MSI2: variants seen among roughly 807,000 people sequenced by gnomAD.
MSI2 encodes RNA-binding protein Musashi homolog 2.
MSI2 carries 17 observed loss-of-function variants against 45.6 expected under a neutral mutation model. That is an observed-to-expected ratio of 0.37 (90% CI 0.26 to 0.56). The LOEUF (loss-of-function observed/expected upper bound fraction) is 0.56, where lower values mean the gene tolerates loss of function less well. Ranked by LOEUF, MSI2 falls within the 20% of genes least tolerant of loss-of-function variation. MSI2 has a pLI of 0.77. For missense variants in MSI2, 293 were observed against 444.2 expected, an observed-to-expected ratio of 0.66 and a Z score of 3.06; for synonymous variants, 156 against 158.2, an observed-to-expected ratio of 0.99 and a Z score of 0.11.
Position 57,407,917 on chromosome 17 carries a change from G to C in MSI2, c.405+6446G>C, listed in dbSNP as rs1470724275. Among the ~76,000 whole-genome samples the C allele has an allele frequency of 6.6e-6, 1 of 152,204 alleles. No homozygotes were observed. Among genetic ancestry groups the C allele is most frequent in the Non-Finnish European group, 1.5e-5 (1 of 68,030 alleles). ...GGACTTTATTTGCCCCCTGACCCCT[G>C]GCCAAGCTGCTCAGTGGGAAACAGC... On this transcript the variant is annotated intron_variant, in intron 6 of 13. Transcript: ENST00000284073. The surrounding 1 kb of genome is among the most constrained non-coding windows in gnomAD (Gnocchi z 4.1).
At chr17:57,499,942 CTT>C (rs879874075) in intron 6 of MSI2, among the ~76,000 whole-genome samples, 2 of 146,720 alleles carry the variant, frequency 1.4e-5, no homozygotes, top group Non-Finnish European at 3.0e-5. Context: ...AGCGTGTTCA[CTT>C]TTTTTTTTTT....
At chr17:57,456,995 A>G (rs1448656476) in intron 6 of MSI2, among the ~76,000 whole-genome samples, 1 of 152,164 alleles carries the variant, frequency 6.6e-6, no homozygotes, top group Non-Finnish European at 1.5e-5. Context: ...GGAGAAAGGA[A>G]GGAGAAGTTT....
At chr17:57,411,207 G>A (rs930311742) in intron 6 of MSI2, among the ~76,000 whole-genome samples, 3 of 152,028 alleles carry the variant, frequency 2.0e-5, no homozygotes, top group Admixed American at 6.6e-5. Context: ...GGGTTTCACC[G>A]TGTTGCCGAG....
intron 7 of MSI2, among the ~76,000 whole-genome samples, chr17:57,571,310 G>A (rs1441542427): frequency 6.6e-6 from 1 of 152,196 alleles, no homozygotes; most frequent in Non-Finnish European, 1.5e-5. Flanking sequence ...ACTTGCTTTT[G>A]TCGTTTGTTA....
At chr17:57,631,619 C>T (rs1481763399) in intron 10 of MSI2, 3 of 619,826 alleles carry the variant, frequency 4.8e-6, no homozygotes, top group East Asian at 5.7e-5. Context: ...CTGGGAACAG[C>T]TCCTTCTTCC....
rs551244981 is a variant in MSI2 at position 57,529,189 on chromosome 17, G to A, written c.406-487G>A. ...AGTGGCTCACACCTATAATCTCAGC[G>A]CTTTGAAAGGCTGCTGCAGGAGGAT... On this transcript the variant is annotated intron_variant, in intron 6 of 13. Coordinates refer to ENST00000284073, the MANE Select transcript of MSI2 (RefSeq NM_138962.4). This position sits in a 1 kb window ranked among gnomAD's most constrained non-coding sequence, Gnocchi z 5.3. Among the ~76,000 whole-genome samples the A allele has an allele frequency of 4.6e-5, 7 of 152,130 alleles. No individual in the cohort carries two copies. The highest frequency in any genetic ancestry group is 1.2e-4 in the African/African-American group (5 of 41,498).
At chr17:57,514,452 C>G (rs1023167808) in intron 6 of MSI2, among the ~76,000 whole-genome samples, 1 of 152,116 alleles carries the variant, frequency 6.6e-6, no homozygotes, top group Non-Finnish European at 1.5e-5. Flanking sequence ...TTTGAATTGC[C>G]AAAATATGTT....
chr17:57,483,448 G>GC (rs2085688927), intron 6 of MSI2, among the ~76,000 whole-genome samples: 3 of 152,060 alleles, frequency 2.0e-5, no homozygotes, highest in Admixed American at 2.0e-4. Context: ...AATGACTGGC[G>GC]CCCCCCAAAT....
At chr17:57,410,955 G>A (rs1246490702) in intron 6 of MSI2, among the ~76,000 whole-genome samples, 1 of 152,154 alleles carries the variant, frequency 6.6e-6, no homozygotes, top group Non-Finnish European at 1.5e-5. Flanking sequence ...AAGGGAGCTT[G>A]CAGATTCTCT....
intron 5 of MSI2, among the ~76,000 whole-genome samples, chr17:57,330,676 C>T (rs1308580935): frequency 6.6e-6 from 1 of 152,106 alleles, no homozygotes; most frequent in Admixed American, 6.5e-5. Flanking sequence ...AGACCCTTGG[C>T]CATTATCCTA....
At chr17:57,659,625 A>AGG (rs1911853395) in intron 11 of MSI2, among the ~76,000 whole-genome samples, 1 of 152,188 alleles carries the variant, frequency 6.6e-6, no homozygotes, top group Non-Finnish European at 1.5e-5. Flanking sequence ...ACTTGAACCC[A>AGG]GGTCTCTGGC....
At chr17:57,275,003 A>C (rs974166663) in intron 5 of MSI2, among the ~76,000 whole-genome samples, 1 of 152,200 alleles carries the variant, frequency 6.6e-6, no homozygotes, top group Non-Finnish European at 1.5e-5. Flanking sequence ...ACAAAAGAAA[A>C]ATTTTAAAGC....
intron 11 of MSI2, among the ~76,000 whole-genome samples, chr17:57,654,174 A>G (rs2144692504): frequency 2.0e-5 from 3 of 152,338 alleles, no homozygotes; most frequent in East Asian, 3.9e-4. Context: ...CCTGGAAGCT[A>G]CAGGGCAACC....
chr17:57,295,485 T>TATA (rs1216344362), intron 5 of MSI2, among the ~76,000 whole-genome samples: 1 of 152,040 alleles, frequency 6.6e-6, no homozygotes, highest in African/African-American at 2.4e-5. Flanking sequence ...TTTGGGGGAT[T>TATA]ATTATTATTA....
At chr17:57,692,339 A>G in the MSI2 span, among the ~76,000 whole-genome samples, 1 of 152,196 alleles carries the variant, frequency 6.6e-6, no homozygotes, top group Non-Finnish European at 1.5e-5. Context: ...TGATGGCCAC[A>G]TAAAATGAGT....
intron 5 of MSI2, among the ~76,000 whole-genome samples, chr17:57,381,648 A>G (rs1005764048): frequency 6.6e-6 from 1 of 152,242 alleles, no homozygotes; most frequent in Non-Finnish European, 1.5e-5. Context: ...GCACGTGGGC[A>G]TGGAGCACTT....
intron 11 of MSI2, among the ~76,000 whole-genome samples, chr17:57,658,259 A>G (rs1911747379): frequency 6.6e-6 from 1 of 152,248 alleles, no homozygotes; most frequent in Non-Finnish European, 1.5e-5. Flanking sequence ...GAATACAGCC[A>G]GTAGTGGCCC....
rs182014216 is a variant in MSI2 at position 57,552,009 on chromosome 17, A to G, written c.454+22285A>G. ...GCTCCAAAGGGTTGCCTCCTACTCC[A>G]CTTGCTGCATAGAGGGGTTTTCTGG... On this transcript the variant is annotated intron_variant, in intron 7 of 13. Transcript: ENST00000284073. The surrounding 1 kb of genome is among the most constrained non-coding windows in gnomAD (Gnocchi z 4.3). Among the ~76,000 whole-genome samples the G allele has an allele frequency of 4.3e-4, 65 of 152,042 alleles. No individual in the cohort carries two copies. The highest frequency in any genetic ancestry group is 5.0e-4 in the Non-Finnish European group (34 of 67,964).
At chr17:57,366,882 T>C (rs1328889950) in intron 5 of MSI2, among the ~76,000 whole-genome samples, 5 of 152,212 alleles carry the variant, frequency 3.3e-5, no homozygotes, top group Admixed American at 1.3e-4. Flanking sequence ...TGGCTGTTTA[T>C]TTGCTAGTCT....
Sources: gnomAD v4.1 joint callset for allele counts (sites outside exome capture counted in the v4.1 genomes callset) on GRCh38, gnomAD v4.1.1 for gene constraint, Gnocchi (gnomAD v3.1) non-coding constraint, MANE v1.5 for transcripts, NCBI Gene and HGNC (gene_info 2026-07-23, HGNC 2026-07-21) for gene names.